Variants in CAST observed in about 807,000 individuals in gnomAD.
CAST encodes the protein calpastatin.
CAST carries 76 observed loss-of-function variants against 119.6 expected under a neutral mutation model. The observed-to-expected ratio is 0.64, with a 90% CI of 0.53 to 0.77. CAST has a LOEUF of 0.77. CAST is among the 30% of genes least tolerant of loss of function. The pLI is 0.00. For synonymous variants in CAST, 319 were observed against 331.6 expected (o/e 0.96, Z 0.41); for missense variants, 953 against 946.5 (o/e 1.01, Z -0.09).
the CAST span, among the ~76,000 whole-genome samples, chr5:96,226,790 C>A: frequency 0.023 from 3,558 of 152,312 alleles, 126 homozygotes; most frequent in African/African-American, 0.081. Context: ...TACCCAACAG[C>A]CCTCTTGGCC....
the CAST span, among the ~76,000 whole-genome samples, chr5:96,393,882 G>A: frequency 1.3e-5 from 2 of 152,210 alleles, no homozygotes; most frequent in Non-Finnish European, 2.9e-5. Flanking sequence ...TGAGGTGCTA[G>A]GCTGGGGAGG....
chr5:96,731,478 T>G (rs1159745167), intron 9 of CAST, among the ~76,000 whole-genome samples: 3 of 151,290 alleles, frequency 2.0e-5, no homozygotes, highest in Middle Eastern at 3.2e-3. Flanking sequence ...TTAAGGTTTT[T>G]TTTTTTTTTT....
the CAST span, chr5:96,308,732 G>A: frequency 6.6e-6 from 1 of 152,460 alleles, no homozygotes; most frequent in Non-Finnish European, 1.5e-5. Flanking sequence ...AGGTCTGCTG[G>A]AGTTTGCTGG....
chr5:96,308,405 C>T, the CAST span, among the ~76,000 whole-genome samples: 1 of 151,926 alleles, frequency 6.6e-6, no homozygotes, highest in Non-Finnish European at 1.5e-5. Flanking sequence ...AGAACATGCT[C>T]CTTTAGCTCT....
chr5:96,415,571 G>A, the CAST span, among the ~76,000 whole-genome samples: 1 of 152,082 alleles, frequency 6.6e-6, no homozygotes, highest in Non-Finnish European at 1.5e-5. Flanking sequence ...CTACATCCTT[G>A]CTATAAAAGA....
At chr5:96,436,938 A>G in the CAST span, among the ~76,000 whole-genome samples, 1 of 152,224 alleles carries the variant, frequency 6.6e-6, no homozygotes, top group Admixed American at 6.5e-5. Context: ...CAGCAGATCC[A>G]CAGACACTTT....
the CAST span, among the ~76,000 whole-genome samples, chr5:96,315,159 A>G: frequency 6.6e-6 from 1 of 152,238 alleles, no homozygotes; most frequent in Non-Finnish European, 1.5e-5. Context: ...TGATACGGGT[A>G]TAAGTAATTG....
intron 1 of CAST, among the ~76,000 whole-genome samples, chr5:96,585,461 T>C (rs1026673261): frequency 6.6e-6 from 1 of 152,208 alleles, no homozygotes; most frequent in Admixed American, 6.5e-5. Context: ...CCTTCCAACC[T>C]GCCCACCTCC....
chr5:96,449,363 C>T, the CAST span, among the ~76,000 whole-genome samples: 1 of 152,214 alleles, frequency 6.6e-6, no homozygotes, highest in Admixed American at 6.5e-5. Flanking sequence ...TGAGCTCCGC[C>T]TCCTACTGCA....
the CAST span, among the ~76,000 whole-genome samples, chr5:96,234,804 T>C: frequency 2.0e-5 from 3 of 151,784 alleles, no homozygotes; most frequent in Non-Finnish European, 4.4e-5. Flanking sequence ...TCTGGGGAGG[T>C]GTGTGTGGGT....
At chr5:96,220,083 C>A in the CAST span, among the ~76,000 whole-genome samples, 2 of 152,228 alleles carry the variant, frequency 1.3e-5, no homozygotes, top group African/African-American at 2.4e-5. Context: ...TACTAGTTTT[C>A]CCTGCCTCTT....
the CAST span, among the ~76,000 whole-genome samples, chr5:96,314,289 A>G: frequency 6.6e-6 from 1 of 152,180 alleles, no homozygotes; most frequent in South Asian, 2.1e-4. Flanking sequence ...CTACAGCACC[A>G]ATTTTCTTTT....
chr5:96,274,124 CAG>C, the CAST span, among the ~76,000 whole-genome samples: 9 of 148,398 alleles, frequency 6.1e-5, no homozygotes, highest in Admixed American at 2.7e-4. Context: ...CTTTTTGAGA[CAG>C]AGTCTTACTC....
At chr5:96,056,941 A>C in the CAST span, among the ~76,000 whole-genome samples, 2 of 152,136 alleles carry the variant, frequency 1.3e-5, no homozygotes, top group African/African-American at 4.8e-5. Flanking sequence ...AGACAAAATA[A>C]ATTTAGCAGT....
the CAST span, among the ~76,000 whole-genome samples, chr5:96,339,056 A>G: frequency 6.6e-6 from 1 of 152,162 alleles, no homozygotes; most frequent in African/African-American, 2.4e-5. Context: ...GTAGCAAAAC[A>G]TATTTCCTAA....
chr5:96,148,980 T>C, the CAST span, among the ~76,000 whole-genome samples: 1 of 152,270 alleles, frequency 6.6e-6, no homozygotes, highest in Non-Finnish European at 1.5e-5. Context: ...TGCAGAATTT[T>C]GAAACTGTTA....
the CAST span, among the ~76,000 whole-genome samples, chr5:96,466,041 C>T: frequency 5.3e-5 from 8 of 152,074 alleles, no homozygotes; most frequent in Non-Finnish European, 1.0e-4. Context: ...AACAAGACTT[C>T]TGGACCACAT....
the CAST span, among the ~76,000 whole-genome samples, chr5:96,494,273 T>C: frequency 6.6e-6 from 1 of 152,306 alleles, no homozygotes; most frequent in Non-Finnish European, 1.5e-5. Flanking sequence ...TTTCAGTATG[T>C]ATGAAGGACC....
chr5:96,555,005 A>G (rs1364456512), intron 1 of CAST, among the ~76,000 whole-genome samples: 1 of 152,222 alleles, frequency 6.6e-6, no homozygotes, highest in Non-Finnish European at 1.5e-5. Context: ...CAATTCCTCA[A>G]GGATCTAGAA....
Sources: gnomAD v4.1 joint callset for allele counts (sites outside exome capture counted in the v4.1 genomes callset) on GRCh38, gnomAD v4.1.1 for gene constraint, MANE v1.5 for transcripts, NCBI Gene and HGNC (gene_info 2026-07-23, HGNC 2026-07-21) for gene names.